The following DNAH5 variants were observed in gnomAD, a reference collection of about 807,000 sequenced individuals.
DNAH5 encodes the protein dynein axonemal heavy chain 5.
A neutral mutation model predicts 518.2 loss-of-function variants in DNAH5; 372 were observed. That is an observed-to-expected ratio of 0.72 (90% confidence interval 0.66 to 0.78). The LOEUF (loss-of-function observed/expected upper bound fraction) is 0.78, where lower values mean the gene tolerates loss of function less well. Among genes scored for constraint, DNAH5 ranks in the 30% least tolerant of loss-of-function variants. DNAH5 has a pLI of 0.00. For missense variants in DNAH5, 5,523 were observed against 5,687.0 expected, an observed-to-expected ratio of 0.97 and a Z score of 0.93; for synonymous variants, 2,039 against 2,025.9, an observed-to-expected ratio of 1.01 and a Z score of -0.17.
chr5:13,828,902 AC>A (rs1366343547), intron 38 of DNAH5, among the ~76,000 whole-genome samples: 1 of 152,208 alleles, frequency 6.6e-6, no homozygotes, highest in African/African-American at 2.4e-5. Flanking sequence ...CTAACTCCTG[AC>A]CCACAGACAC....
chr5:13,784,106 G>A (rs540335873), intron 52 of DNAH5, among the ~76,000 whole-genome samples: 7 of 152,306 alleles, frequency 4.6e-5, no homozygotes, highest in African/African-American at 1.7e-4. Context: ...GAAAACGGCA[G>A]TTCTAGTGAA....
chr5:14,011,784 C>G (rs928139218), exon 1 of DNAH5, among the ~76,000 whole-genome samples: 1 of 152,202 alleles, frequency 6.6e-6, no homozygotes, highest in African/African-American at 2.4e-5. Flanking sequence ...CCCGGCTAGC[C>G]GGCTGTTTGC....
intron 15 of DNAH5, chr5:13,896,769 G>T (rs1194255790): frequency 2.0e-5 from 3 of 152,134 alleles, no homozygotes; most frequent in Admixed American, 6.5e-5. Context: ...AACTGTGTCA[G>T]TATTATTTAC....
intron 34 of DNAH5, among the ~76,000 whole-genome samples, chr5:13,840,237 C>T (rs1304843021): frequency 6.6e-6 from 1 of 152,172 alleles, no homozygotes; most frequent in Non-Finnish European, 1.5e-5. Flanking sequence ...ACCAATCTTT[C>T]ATAATCTTTT....
chr5:13,826,272 G>A (rs1188676102), intron 38 of DNAH5, among the ~76,000 whole-genome samples: 3 of 152,188 alleles, frequency 2.0e-5, no homozygotes, highest in African/African-American at 7.2e-5. Context: ...AAGTAGTGAA[G>A]TGGTAGTGAA....
intron 68 of DNAH5, among the ~76,000 whole-genome samples, chr5:13,734,027 A>T (rs1402480436): frequency 3.9e-5 from 6 of 152,086 alleles, no homozygotes. Context: ...ATATGTTGAA[A>T]CCCTATATCT....
At position 13,933,857 on chromosome 5, in the gene DNAH5, G is replaced by A. The variant is rs571004613; in HGVS notation, c.58-2613C>T. Among the ~76,000 whole-genome samples, 5 of 151,450 alleles carry A rather than the reference G, an allele frequency of 3.3e-5. No individual in the cohort carries two copies. In the East Asian group the frequency reaches 9.7e-4, roughly 29 times the overall value. On this transcript the variant is annotated intron_variant, in intron 1 of 78. Transcript: ENST00000265104. ...ATAGAAAGGAGACCAAGAAACCGTA[G>A]TAGCAATAAATCATGGAGAGTGACC...
In DNAH5 at chr5:13,883,096, T is replaced by G. The variant is rs757801770; in HGVS notation, c.2984-2A>C. ...TCATGTTAGAGGCACTGTTACTGTC[T>G]GAGTTAACCCAAAACAAGGAAGAAT... On this transcript the variant is annotated splice_acceptor_variant, in intron 19 of 78. Transcript: ENST00000265104. LOFTEE classifies it high-confidence loss of function. 6.2e-7 allele frequency: 1 copy of G among 1,613,656 alleles called. No homozygotes were observed. Among genetic ancestry groups the G allele is most frequent in the Non-Finnish European group, 8.5e-7 (1 of 1,180,014 alleles).
chr5:13,880,385 A>T (rs1771491901), intron 21 of DNAH5, among the ~76,000 whole-genome samples: 1 of 152,150 alleles, frequency 6.6e-6, no homozygotes, highest in Non-Finnish European at 1.5e-5. Flanking sequence ...AAGTAAGTAT[A>T]TTGGCAAATC....
At chr5:13,981,062 C>T (rs979407032) in intron 1 of DNAH5, among the ~76,000 whole-genome samples, 2 of 152,224 alleles carry the variant, frequency 1.3e-5, no homozygotes, top group Non-Finnish European at 2.9e-5. Context: ...CTCTCTGCAA[C>T]CTTCTCCAGC....
intron 53 of DNAH5, 126 bp from the exon 54 acceptor site, chr5:13,777,481 G>A: frequency 1.4e-6 from 1 of 717,254 alleles, no homozygotes; most frequent in South Asian, 1.7e-5. Flanking sequence ...GTATACGTAT[G>A]TATTCTATAT....
In DNAH5 at chr5:13,797,000, A is replaced by G. The variant is rs531810656; in HGVS notation, c.7888-2942T>C. Among the ~76,000 whole-genome samples, 131 of 152,236 alleles carry G rather than the reference A, an allele frequency of 8.6e-4. 1 individual carries two copies. The highest frequency in any genetic ancestry group is 2.9e-3 in the African/African-American group (119 of 41,552). On this transcript the variant is annotated intron_variant, in intron 47 of 78. Coordinates refer to ENST00000265104, the MANE Select transcript of DNAH5 (RefSeq NM_001369.3). Reference sequence around the variant, plus strand: ...TGCTGGGAAAACTGGCTAGCCATACATAGAAAGCTGAAACTGGATCCCTTC... The same window carrying G: ...TGCTGGGAAAACTGGCTAGCCATACGTAGAAAGCTGAAACTGGATCCCTTC...
In DNAH5 at chr5:13,991,588, A is replaced by G. The variant is rs1783553932; in HGVS notation, c.12+20060T>C. On this transcript the variant is annotated intron_variant, in intron 1 of 78. Coordinates refer to the DNAH5 transcript ENST00000681290. ...GAGGAAGAGGAGAAAGAGGAGGAGG[A>G]GGGGGAAGAGGAGGAGGAAGGGGAG... 2.2e-5 allele frequency among the ~76,000 whole-genome samples: 3 copies of G among 136,814 alleles called. No individual in the cohort carries two copies. In the Admixed American group the frequency reaches 2.2e-4, roughly 10 times the overall value. The allele number at this position is 136,814 out of a possible 152,430, so 89.8% of individuals were successfully genotyped here. A position where few individuals can be genotyped will look rare whatever the true frequency, so the allele number is the denominator to read the frequency against.
chr5:13,889,009 A>T (rs1428254630), intron 17 of DNAH5, among the ~76,000 whole-genome samples: 1 of 152,218 alleles, frequency 6.6e-6, no homozygotes, highest in Non-Finnish European at 1.5e-5. Flanking sequence ...CAACATGAAG[A>T]ATATTTTGTG....
intron 1 of DNAH5, among the ~76,000 whole-genome samples, chr5:13,992,491 C>G (rs974271667): frequency 6.6e-6 from 1 of 152,164 alleles, no homozygotes; most frequent in Non-Finnish European, 1.5e-5. Context: ...AAATTTTAAC[C>G]TGATTTCTTT....
Position 13,770,998 on chromosome 5 carries a change from G to A in DNAH5, c.9374-18C>T. ...TTCAGACACTAGAGAGAATAAAGAT[G>A]ACAGTGTGTGAAATATGTATGTAAG... On this transcript the variant is annotated intron_variant, in intron 55 of 78. Coordinates refer to ENST00000265104, the MANE Select transcript of DNAH5 (RefSeq NM_001369.3). The A allele has an allele frequency of 6.4e-7, 1 of 1,555,108 alleles. No individual in the cohort carries two copies. Among genetic ancestry groups the A allele is most frequent in the South Asian group, 1.1e-5 (1 of 89,660 alleles).
chr5:13,847,345 C>G (rs143670889), intron 31 of DNAH5, among the ~76,000 whole-genome samples: 1 of 51,862 alleles, frequency 1.9e-5, no homozygotes, highest in Non-Finnish European at 4.0e-5. Context: ...TTAGAGTAGA[C>G]ATTTTCTCTG....
rs543520503 is a variant in DNAH5, at chr5:13,737,723, G to A, written c.11212-228C>T. Among the ~76,000 whole-genome samples, 9 of 151,946 alleles carry A rather than the reference G, an allele frequency of 5.9e-5. No homozygotes were observed. The South Asian group carries it at 6.2e-4, about 11-fold the overall frequency. On this transcript the variant is annotated intron_variant, in intron 65 of 78. Transcript: ENST00000265104. ...GTGGATCATTTGAAGTCGAAAGTTC[G>A]AGACTAGCCTGGTCAACATGGTAAA...
At chr5:13,780,701 G>T in intron 53 of DNAH5, 128 bp downstream of exon 53, 1 of 1,047,428 alleles carries the variant, frequency 9.5e-7, no homozygotes, top group South Asian at 1.3e-5. Flanking sequence ...AAGATGATAA[G>T]TCAACATTCA....
Sources: allele counts gnomAD v4.1 joint callset (sites outside exome capture counted in the v4.1 genomes callset), GRCh38; gene constraint gnomAD v4.1.1; transcripts MANE v1.5; gene names NCBI Gene and HGNC (gene_info 2026-07-23, HGNC 2026-07-21).